The following CD70 variants were observed in gnomAD, a reference collection of about 807,000 sequenced individuals.
CD70 encodes the protein CD70 antigen.
A neutral mutation model predicts 9.0 loss-of-function variants in CD70; 6 were observed. That is an observed-to-expected ratio of 0.67 (90% CI 0.37 to 1.32). The LOEUF (loss-of-function observed/expected upper bound fraction) is 1.32, where lower values mean the gene tolerates loss of function less well. Ranked by LOEUF, CD70 falls within the 40% of genes most tolerant of loss-of-function variation. The probability of loss-of-function intolerance (pLI) is 0.02; values close to 1 mark genes in which losing one functional copy is unlikely to be tolerated. For missense variants in CD70, 235 were observed against 258.7 expected (o/e 0.91, Z 0.63); for synonymous variants, 108 against 112.3 (o/e 0.96, Z 0.24).
chr19:6,590,150 C>G lies in CD70; in HGVS notation c.163-14G>C. 1.2e-6 allele frequency: 2 copies of G among 1,612,872 alleles called. No individual in the cohort carries two copies. Among genetic ancestry groups the G allele is most frequent in the East Asian group, 4.5e-5 (2 of 44,874 alleles). On this transcript the variant is annotated splice_polypyrimidine_tract_variant and intron_variant, in intron 1 of 2. Transcript: ENST00000245903. The surrounding 1 kb of genome is among the most constrained non-coding windows in gnomAD (Gnocchi z 5.3). ...AGCTACGTCCCACTGGAAGAAAAGA[C>G]CAGAAAACAGGGCACGGACGTAAGC... is the stretch of plus-strand genomic sequence containing the variant.
rs185436985 is a variant in CD70 at position 6,587,095 on chromosome 19, C to T, written c.197-690G>A. On this transcript the variant is annotated intron_variant, in intron 2 of 2. Coordinates refer to ENST00000245903, the MANE Select transcript of CD70 (RefSeq NM_001252.5). Reference sequence around the variant, plus strand: ...GAGAGCGAGAGAGTGTGTGAGAGGACGAGAGAGCTTGAGGGAGAGTGCACG... The same window carrying T: ...GAGAGCGAGAGAGTGTGTGAGAGGATGAGAGAGCTTGAGGGAGAGTGCACG... Among the ~76,000 whole-genome samples the T allele has an allele frequency of 1.4e-3, 194 of 140,942 alleles. 1 individual carries two copies. The highest frequency in any genetic ancestry group is 0.012 in the Admixed American group (174 of 14,154). The allele number at this position is 140,942 out of a possible 152,430, so 92.5% of individuals were successfully genotyped here. A position where few individuals can be genotyped will look rare whatever the true frequency, so the allele number is the denominator to read the frequency against.
chr19:6,585,854 T>A lies in CD70; in HGVS notation c.*166A>T. 1.8e-6 allele frequency: 1 copy of A among 570,020 alleles called. No homozygotes were observed. The highest frequency in any genetic ancestry group is 2.5e-5 in the South Asian group (1 of 39,418). 35.3% of individuals were successfully genotyped at this position (570,020 alleles called of 1,614,324 possible). The stretch of plus-strand genomic sequence containing the variant: ...GAAGCCCAGCTGATTTTTGTATTTT[T>A]TAATAGGAAAATGAAAGAAAAAGCT... On this transcript the variant is annotated 3_prime_UTR_variant, in exon 3 of 3. Coordinates refer to ENST00000245903, the MANE Select transcript of CD70 (RefSeq NM_001252.5).
In CD70 at chr19:6,589,693, T is replaced by C. The variant is rs1916108626; in HGVS notation, c.196+410A>G. Among the ~76,000 whole-genome samples the C allele has an allele frequency of 2.0e-5, 3 of 151,766 alleles. No homozygotes were observed. The South Asian group carries it at 6.3e-4, about 32-fold the overall frequency. On this transcript the variant is annotated intron_variant, in intron 2 of 2. Coordinates refer to ENST00000245903, the MANE Select transcript of CD70 (RefSeq NM_001252.5). ...GCTCCAGCAACCACGCCAGGTCGCCTCTCTCGTTTTTATTCTCTCTTCCTC... is the reference window on the plus strand; with the variant it reads ...GCTCCAGCAACCACGCCAGGTCGCCCCTCTCGTTTTTATTCTCTCTTCCTC...
At position 6,585,907 on chromosome 19, in the gene CD70, T is replaced by C. The variant is rs1289338293; in HGVS notation, c.*113A>G. The C allele has an allele frequency of 1.5e-6, 1 of 688,942 alleles. No individual in the cohort carries two copies. Among genetic ancestry groups the C allele is most frequent in the East Asian group, 2.8e-5 (1 of 36,354 alleles). The allele number at this position is 688,942 out of a possible 1,614,324, so 42.7% of individuals were successfully genotyped here. On this transcript the variant is annotated 3_prime_UTR_variant, in exon 3 of 3. Coordinates refer to ENST00000245903, the MANE Select transcript of CD70 (RefSeq NM_001252.5). ...ATGCCTTCTCTTGTCCTGCCACCAC[T>C]ACCCCCCACCACACTCCCACCCCAA...
chr19:6,587,683 A>C (rs1916058858), intron 2 of CD70, among the ~76,000 whole-genome samples: 1 of 151,410 alleles, frequency 6.6e-6, no homozygotes, highest in African/African-American at 2.4e-5. Context: ...GAGCTCCCCT[A>C]CCTTCCCGTT....
chr19:6,583,372 T>G (rs1359859997), downstream of CD70: 1 of 702,190 alleles, frequency 1.4e-6, no homozygotes, highest in Admixed American at 2.0e-5. Flanking sequence ...TTTGTAGGGC[T>G]TGCATGAACA....
intron 2 of CD70, among the ~76,000 whole-genome samples, chr19:6,589,418 C>T (rs1339959213): frequency 6.7e-6 from 1 of 150,070 alleles, no homozygotes; most frequent in Non-Finnish European, 1.5e-5. Flanking sequence ...TTGACAGAAT[C>T]TCCCTCTGTC....
intron 2 of CD70, 126 bp from the exon 3 acceptor site, chr19:6,586,531 G>A (rs975495957): frequency 2.5e-5 from 27 of 1,073,432 alleles, no homozygotes; most frequent in Non-Finnish European, 3.1e-5. Context: ...GGACGTGGTG[G>A]CTCATGCCTG....
downstream of CD70, among the ~76,000 whole-genome samples, chr19:6,583,789 A>ATTTTTTTT (rs59486408): frequency 1.0e-5 from 1 of 98,886 alleles, no homozygotes; most frequent in African/African-American, 3.9e-5. Flanking sequence ...TGTGGTCTTG[A>ATTTTTTTT]TTTTTTTTTT....
chr19:6,586,918 A>C (rs978527461), intron 2 of CD70, among the ~76,000 whole-genome samples: 2 of 151,130 alleles, frequency 1.3e-5, no homozygotes, highest in Non-Finnish European at 1.5e-5. Flanking sequence ...AAAAAAAAAA[A>C]AAAACAGAAA....
downstream of CD70, among the ~76,000 whole-genome samples, chr19:6,584,689 A>C (rs1915981536): frequency 9.3e-6 from 1 of 107,096 alleles, no homozygotes; most frequent in Non-Finnish European, 1.9e-5. Context: ...ATGTAATGAG[A>C]CCTCATCTCA....
rs1446050998 is a variant in CD70, at chr19:6,591,132, G to T, written c.-130C>A. On this transcript the variant is annotated 5_prime_UTR_variant, in exon 1 of 3. Transcript: ENST00000245903. ...GTCTACTTGCTTCAACCTGTCAGGGGACCAGCCTGCCCCTCTCTGGGGATG... is the reference window on the plus strand; with the variant it reads ...GTCTACTTGCTTCAACCTGTCAGGGTACCAGCCTGCCCCTCTCTGGGGATG... 2.0e-6 allele frequency: 2 copies of T among 986,982 alleles called. No homozygotes were observed. Among genetic ancestry groups the T allele is most frequent in the Non-Finnish European group, 2.9e-6 (2 of 699,614 alleles). 61.1% of individuals were successfully genotyped at this position (986,982 alleles called of 1,614,324 possible). A position where few individuals can be genotyped will look rare whatever the true frequency, so the allele number is the denominator to read the frequency against.
rs557113759 is a variant in CD70 at position 6,590,342 on chromosome 19, A to G, written c.163-206T>C. On this transcript the variant is annotated intron_variant, in intron 1 of 2. Coordinates refer to ENST00000245903, the MANE Select transcript of CD70 (RefSeq NM_001252.5). This position sits in a 1 kb window ranked among gnomAD's most constrained non-coding sequence, Gnocchi z 5.3. The stretch of plus-strand genomic sequence containing the variant: ...AGGTCTGAACCAGCGGGGAACGTGA[A>G]GTCGAGACCTTCAAAAGAACTTCTT... Among the ~76,000 whole-genome samples the G allele has an allele frequency of 5.3e-5, 8 of 152,340 alleles. No individual in the cohort carries two copies. The highest frequency in any genetic ancestry group is 1.7e-4 in the African/African-American group (7 of 41,588).
Position 6,585,935 on chromosome 19 carries a change from C to G in CD70, c.*85G>C. 9.6e-7 allele frequency: 1 copy of G among 1,038,196 alleles called. No homozygotes were observed. Among genetic ancestry groups the G allele is most frequent in the Non-Finnish European group, 1.4e-6 (1 of 724,496 alleles). 64.3% of individuals were successfully genotyped at this position (1,038,196 alleles called of 1,614,324 possible). A position where few individuals can be genotyped will look rare whatever the true frequency, so the allele number is the denominator to read the frequency against. On this transcript the variant is annotated 3_prime_UTR_variant, in exon 3 of 3. Transcript: ENST00000245903. ...CCCCCACCACACTCCCACCCCAACC[C>G]CGGGTGGCCCCTGTGTGTACACTTT...
In CD70 at chr19:6,587,335, T is replaced by A. The variant is rs146592020; in HGVS notation, c.197-930A>T. 3.3e-3 allele frequency among the ~76,000 whole-genome samples: 380 copies of A among 114,772 alleles called. 5 individuals are homozygous for A. The highest frequency in any genetic ancestry group is 0.012 in the African/African-American group (344 of 29,368). The allele number at this position is 114,772 out of a possible 152,430, so 75.3% of individuals were successfully genotyped here. A position where few individuals can be genotyped will look rare whatever the true frequency, so the allele number is the denominator to read the frequency against. ...ATGAGAGAGAGAGCAAGAGAGAGAG[T>A]GTGTGTGTGAGAGAGGACGAGAGAG... On this transcript the variant is annotated intron_variant, in intron 2 of 2. Coordinates refer to ENST00000245903, the MANE Select transcript of CD70 (RefSeq NM_001252.5).
chr19:6,582,033 CTT>C (rs35914430), downstream of CD70, among the ~76,000 whole-genome samples: 5 of 143,562 alleles, frequency 3.5e-5, no homozygotes, highest in African/African-American at 5.1e-5. Flanking sequence ...GCAGTTAAAT[CTT>C]TTTTTTTTTT....
downstream of CD70, among the ~76,000 whole-genome samples, chr19:6,582,427 A>C (rs11666089): frequency 0.19 from 27,992 of 148,774 alleles, 3,019 homozygotes; most frequent in African/African-American, 0.31. Flanking sequence ...ACATATGTAT[A>C]TATGTGCCGT....
intron 2 of CD70, among the ~76,000 whole-genome samples, chr19:6,587,582 G>C (rs958915093): frequency 1.3e-5 from 2 of 152,094 alleles, no homozygotes; most frequent in East Asian, 3.9e-4. Flanking sequence ...ACGCCTGCTC[G>C]GGTCACACCC....
chr19:6,591,105 G>T lies in CD70; in HGVS notation c.-103C>A, dbSNP rs557003378. ...TGCAGCCCCCTCCCGGGGCTCCTGGGCGTCTACTTGCTTCAACCTGTCAGG... is the reference window on the plus strand; with the variant it reads ...TGCAGCCCCCTCCCGGGGCTCCTGGTCGTCTACTTGCTTCAACCTGTCAGG... On this transcript the variant is annotated 5_prime_UTR_variant, in exon 1 of 3. Transcript: ENST00000245903. 1.6e-6 allele frequency: 2 copies of T among 1,272,602 alleles called. No individual in the cohort carries two copies. Among genetic ancestry groups the T allele is most frequent in the African/African-American group, 1.5e-5 (1 of 66,198 alleles). 78.8% of individuals were successfully genotyped at this position (1,272,602 alleles called of 1,614,324 possible).
Sources: gnomAD v4.1 joint callset for allele counts (sites outside exome capture counted in the v4.1 genomes callset) on GRCh38, gnomAD v4.1.1 for gene constraint, Gnocchi (gnomAD v3.1) non-coding constraint, MANE v1.5 for transcripts, NCBI Gene and HGNC (gene_info 2026-07-23, HGNC 2026-07-21) for gene names.